The following COL18A1 variants were observed in gnomAD, a reference collection of about 807,000 sequenced individuals.
The protein encoded by COL18A1 is collagen type XVIII alpha 1 chain, also known as collagen alpha-1(XVIII) chain.
A neutral mutation model predicts 168.0 loss-of-function variants in COL18A1; 133 were observed. The ratio of observed to expected loss-of-function variants is 0.79; its 90% CI spans 0.69 to 0.91. COL18A1 has a LOEUF of 0.91. COL18A1 is among the 40% of genes least tolerant of loss of function. The pLI, the probability that COL18A1 is intolerant of heterozygous loss-of-function variation, is 0.00. For missense variants in COL18A1, 2,126 were observed against 1,925.4 expected (o/e 1.10, Z -1.95); for synonymous variants, 949 against 809.0 (o/e 1.17, Z -2.94).
chr21:45,470,558 C>T (rs1397850070), intron 3 of COL18A1, among the ~76,000 whole-genome samples: 2 of 148,024 alleles, frequency 1.4e-5, no homozygotes, highest in African/African-American at 2.5e-5. Context: ...GTGATCTCGG[C>T]TCACTGCAAC....
Position 45,511,132 on chromosome 21 carries a change from TG to T in COL18A1, c.3718del (p.Glu1240ArgfsTer11). The T allele has an allele frequency of 6.3e-7, 1 of 1,583,978 alleles. No homozygotes were observed. The highest frequency in any genetic ancestry group is 8.6e-7 in the Non-Finnish European group (1 of 1,164,662). On this transcript the variant is annotated frameshift_variant, in exon 41 of 42. Coordinates refer to ENST00000651438, the MANE Select transcript of COL18A1 (RefSeq NM_001379500.1). LOFTEE classifies it high-confidence loss of function. The part of the protein sequence containing the change: ...NLKDELLFPS[W>X]EALFSGSEGP... ...CCAGGACGAGCTGCTGTTTCCCAGC[TG>T]GGAGGCTCTGTTCTCAGGCTCTGAG...
rs201400922 is a variant in COL18A1 at position 45,505,984 on chromosome 21, C to T, written c.3216+18C>T. The T allele has an allele frequency of 1.9e-4, 303 of 1,612,920 alleles. 2 individuals carry two copies. In the Middle Eastern group the frequency reaches 2.0e-3, roughly 11 times the overall value. On this transcript the variant is annotated intron_variant, in intron 37 of 41. Transcript: ENST00000651438. ...AGGTCCAGGTGAGCGCTCTGTGTGACGGGTTCTGGACCCGTGGAAGGGCCG... is the reference window on the plus strand; with the variant it reads ...AGGTCCAGGTGAGCGCTCTGTGTGATGGGTTCTGGACCCGTGGAAGGGCCG...
intron 2 of COL18A1, among the ~76,000 whole-genome samples, chr21:45,459,581 C>T (rs1262138128): frequency 2.0e-5 from 3 of 152,230 alleles, no homozygotes; most frequent in African/African-American, 7.2e-5. Context: ...GACAGTGCAG[C>T]CGTGCTGGGG....
chr21:45,495,928 TAC>T lies in COL18A1; in HGVS notation c.2508+501_2508+502del, dbSNP rs549379908. 190 of 320,474 alleles carry T rather than the reference TAC, an allele frequency of 5.9e-4. 1 individual carries two copies. The highest frequency in any genetic ancestry group is 3.7e-3 in the African/African-American group (172 of 46,550). The allele number at this position is 320,474 out of a possible 1,614,324, so 19.9% of individuals were successfully genotyped here. ...TCCCTGGCCCATTCCATGATGGGCA[TAC>T]ACACTGCACATGTATACTCATGCAC... On this transcript the variant is annotated intron_variant, in intron 29 of 41. Transcript: ENST00000651438.
At chr21:45,497,885 C>T (rs934960239) in intron 32 of COL18A1, 17 of 625,280 alleles carry the variant, frequency 2.7e-5, no homozygotes, top group South Asian at 7.8e-5. Flanking sequence ...CAAGATAGCC[C>T]CATCACCTCC....
intron 2 of COL18A1, among the ~76,000 whole-genome samples, chr21:45,441,932 C>T (rs1486260942): frequency 6.6e-6 from 1 of 152,244 alleles, no homozygotes; most frequent in Non-Finnish European, 1.5e-5. Flanking sequence ...GTCTCGGGGT[C>T]TCCCTGCCAA....
chr21:45,431,536 T>C (rs6518243), intron 2 of COL18A1, among the ~76,000 whole-genome samples: 10,465 of 31,966 alleles, frequency 0.33, 2,085 homozygotes, highest in African/African-American at 0.56. Context: ...CAGGCAGGAC[T>C]CGGCGGCCCA....
intron 41 of COL18A1, 146 bp downstream of exon 41, chr21:45,511,372 A>G: frequency 1.5e-6 from 1 of 678,212 alleles, no homozygotes; most frequent in South Asian, 1.5e-5. Flanking sequence ...CCAAAAGAGC[A>G]TTGAGAAAAA....
intron 13 of COL18A1, 65 bp downstream of exon 13, chr21:45,480,923 C>A: frequency 3.2e-6 from 5 of 1,542,892 alleles, no homozygotes; most frequent in South Asian, 1.2e-5. Context: ...GTGAACACCC[C>A]ACATGGGAGC....
intron 2 of COL18A1, among the ~76,000 whole-genome samples, chr21:45,448,930 C>T (rs900338167): frequency 2.6e-5 from 4 of 152,156 alleles, no homozygotes; most frequent in African/African-American, 4.8e-5. Flanking sequence ...GGTGTCTGAC[C>T]CGCAGCCTGG....
intron 32 of COL18A1, among the ~76,000 whole-genome samples, chr21:45,501,490 G>A (rs115999824): frequency 0.022 from 3,361 of 152,252 alleles, 86 homozygotes; most frequent in East Asian, 0.058. Context: ...AGTGGGAAGT[G>A]CCCACAGGGC....
chr21:45,456,168 C>T (rs751830446), intron 2 of COL18A1: 9 of 1,590,268 alleles, frequency 5.7e-6, no homozygotes, highest in South Asian at 1.1e-5. Context: ...GTGCCACCAC[C>T]ATCTTCAGGT....
At position 45,505,922 on chromosome 21, in the gene COL18A1, G is replaced by C. The variant is rs1335050702; in HGVS notation, c.3172G>C (p.Glu1058Gln). 3.1e-6 allele frequency: 5 copies of C among 1,613,210 alleles called. No individual in the cohort carries two copies. Among genetic ancestry groups the C allele is most frequent in the East Asian group, 2.2e-5 (1 of 44,884 alleles). Residue 1058 changes from glutamate (E) to glutamine (Q), a missense_variant, in exon 37 of 42, where the codon GAG becomes CAG. Transcript: ENST00000651438. ...EGWLIFVAEQ[E>Q]ELYVRVQNGF... is the part of the protein sequence containing the mutation. ...CTGGCTCATCTTCGTGGCCGAGCAG[G>C]AGGAGCTCTACGTCCGCGTGCAGAA... is the stretch of plus-strand genomic sequence containing the variant.
intron 32 of COL18A1, among the ~76,000 whole-genome samples, chr21:45,503,710 A>G (rs372815086): frequency 0.013 from 1,899 of 151,746 alleles, 17 homozygotes; most frequent in African/African-American, 0.013. Context: ...TGGGTGCAGC[A>G]CACCAGCATG....
intron 26 of COL18A1, 121 bp downstream of exon 26, chr21:45,493,696 C>T (rs1214299850): frequency 1.9e-5 from 15 of 779,118 alleles, no homozygotes; most frequent in East Asian, 2.7e-5. Flanking sequence ...AAGCAGGGCT[C>T]TACCATCCAG....
chr21:45,458,226 G>A (rs929755815), intron 2 of COL18A1, among the ~76,000 whole-genome samples: 6 of 151,892 alleles, frequency 4.0e-5, no homozygotes, highest in African/African-American at 1.5e-4. Flanking sequence ...CGCCCCAGAA[G>A]CATAGGGCTG....
At chr21:45,437,271 C>G (rs1467815672) in intron 2 of COL18A1, among the ~76,000 whole-genome samples, 1 of 134,858 alleles carries the variant, frequency 7.4e-6, no homozygotes, top group South Asian at 2.5e-4. Context: ...CACACTCAGA[C>G]ACACAGGCAC....
At chr21:45,495,713 CAT>C (rs1479906997) in intron 29 of COL18A1, 2 of 389,700 alleles carry the variant, frequency 5.1e-6, no homozygotes, top group East Asian at 5.0e-5. Flanking sequence ...CACGCGCACA[CAT>C]ACACGCACAC....
chr21:45,407,787 G>C (rs1383157857), intron 2 of COL18A1, among the ~76,000 whole-genome samples: 1 of 152,210 alleles, frequency 6.6e-6, no homozygotes, highest in Admixed American at 6.5e-5. Flanking sequence ...TCCTGCCCCT[G>C]CTCACCACTA....
Sources: allele counts gnomAD v4.1 joint callset (sites outside exome capture counted in the v4.1 genomes callset), GRCh38; gene constraint gnomAD v4.1.1; transcripts MANE v1.5; gene names NCBI Gene and HGNC (gene_info 2026-07-23, HGNC 2026-07-21).